MALRD1: variants seen among roughly 807,000 people sequenced by gnomAD.
MALRD1 encodes the protein MAM and LDL receptor class A domain containing 1.
Under a neutral mutation model 242.1 loss-of-function variants are expected in MALRD1, and 247 were observed. That is an observed-to-expected ratio of 1.02 (90% CI 0.92 to 1.13). The LOEUF (loss-of-function observed/expected upper bound fraction) is 1.13. Ranked by LOEUF, MALRD1 falls within the 50% of genes most tolerant of loss-of-function variation. The pLI, the probability that MALRD1 is intolerant of heterozygous loss-of-function variation, is 0.00. For missense variants in MALRD1, 2,989 were observed against 2,533.1 expected (o/e 1.18, Z -3.86); for synonymous variants, 995 against 866.6 (o/e 1.15, Z -2.60).
At chr10:19,152,379 G>C (rs913991830) in intron 11 of MALRD1, among the ~76,000 whole-genome samples, 14 of 152,030 alleles carry the variant, frequency 9.2e-5, no homozygotes, top group Admixed American at 9.2e-4. Context: ...TAAATATTTG[G>C]TTAAAATTAT....
chr10:19,475,502 T>A (rs1564373524), intron 29 of MALRD1, among the ~76,000 whole-genome samples: 1 of 152,198 alleles, frequency 6.6e-6, no homozygotes, highest in Non-Finnish European at 1.5e-5. Flanking sequence ...GGTAAAAATA[T>A]TAATCTTGAG....
At chr10:19,564,569 T>C (rs1165431676) in intron 32 of MALRD1, among the ~76,000 whole-genome samples, 1 of 152,054 alleles carries the variant, frequency 6.6e-6, no homozygotes, top group Non-Finnish European at 1.5e-5. Context: ...TATTACTGGG[T>C]CTGTGTTTGA....
chr10:19,165,341 C>A (rs1834643930), intron 12 of MALRD1, among the ~76,000 whole-genome samples: 1 of 147,922 alleles, frequency 6.8e-6, no homozygotes, highest in South Asian at 2.1e-4. Context: ...ACTCTTGTTG[C>A]CCAGGCTGGA....
At chr10:19,686,845 A>G (rs543548666) in intron 36 of MALRD1, among the ~76,000 whole-genome samples, 2 of 152,214 alleles carry the variant, frequency 1.3e-5, no homozygotes, top group African/African-American at 2.4e-5. Context: ...GTAATAGTTT[A>G]AACTTCCAGA....
intron 20 of MALRD1, among the ~76,000 whole-genome samples, chr10:19,282,697 A>T (rs2131886544): frequency 6.6e-6 from 1 of 152,288 alleles, no homozygotes; most frequent in Middle Eastern, 3.4e-3. Context: ...GAACTTGGAG[A>T]TCATGCAAGC....
intron 10 of MALRD1, among the ~76,000 whole-genome samples, chr10:19,144,165 A>T (rs1833646223): frequency 6.6e-6 from 1 of 152,158 alleles, no homozygotes; most frequent in Non-Finnish European, 1.5e-5. Flanking sequence ...AAATCCATTT[A>T]GAGGGAAAAA....
intron 28 of MALRD1, among the ~76,000 whole-genome samples, chr10:19,411,823 T>C (rs1180834326): frequency 6.6e-6 from 1 of 152,190 alleles, no homozygotes; most frequent in Non-Finnish European, 1.5e-5. Flanking sequence ...ATTTTAATTA[T>C]AGAGCTATAT....
At chr10:19,229,912 A>G (rs1250626531) in intron 18 of MALRD1, among the ~76,000 whole-genome samples, 1 of 151,988 alleles carries the variant, frequency 6.6e-6, no homozygotes, top group African/African-American at 2.4e-5. Flanking sequence ...CCCAAATCTC[A>G]TCTTGCACTA....
intron 38 of MALRD1, among the ~76,000 whole-genome samples, chr10:19,713,047 G>C (rs867954269): frequency 1.3e-5 from 2 of 151,680 alleles, no homozygotes; most frequent in Admixed American, 6.6e-5. Context: ...GAAATGAAGG[G>C]GGGGGTTCCT....
In MALRD1 at chr10:19,412,372, C is replaced by T. The variant is rs139276159; in HGVS notation, c.4845+22763C>T. Among the ~76,000 whole-genome samples the T allele has an allele frequency of 2.8e-3, 423 of 152,204 alleles. 2 individuals are homozygous for T. Among genetic ancestry groups the T allele is most frequent in the African/African-American group, 1.0e-2 (414 of 41,538 alleles). On this transcript the variant is annotated intron_variant, in intron 28 of 39. Transcript: ENST00000454679. ...CTTTTAACCTCCATCAATTAAACTACTTAATCAATTGAAGGGGTACTGGAA... is the reference window on the plus strand; with the variant it reads ...CTTTTAACCTCCATCAATTAAACTATTTAATCAATTGAAGGGGTACTGGAA...
At chr10:19,663,721 C>G (rs1841546477) in intron 36 of MALRD1, among the ~76,000 whole-genome samples, 1 of 152,078 alleles carries the variant, frequency 6.6e-6, no homozygotes, top group Non-Finnish European at 1.5e-5. Flanking sequence ...GCTCTCAAAC[C>G]CTTCATCTGG....
intron 26 of MALRD1, among the ~76,000 whole-genome samples, chr10:19,373,434 G>T (rs534385855): frequency 2.0e-5 from 3 of 151,938 alleles, no homozygotes; most frequent in Admixed American, 2.0e-4. Flanking sequence ...CAGGAGAATC[G>T]CTTGAAACCA....
intron 33 of MALRD1, among the ~76,000 whole-genome samples, chr10:19,578,225 T>C (rs918661774): frequency 6.6e-6 from 1 of 152,184 alleles, no homozygotes; most frequent in East Asian, 1.9e-4. Context: ...TAGCATCTTA[T>C]TGATGTGTAA....
chr10:19,525,199 G>T (rs934471618), intron 31 of MALRD1, among the ~76,000 whole-genome samples: 8 of 151,528 alleles, frequency 5.3e-5, no homozygotes, highest in Non-Finnish European at 1.0e-4. Context: ...ACAGGCGTGA[G>T]CCACCGAGCC....
At chr10:19,200,743 G>A (rs768138047) in intron 14 of MALRD1, among the ~76,000 whole-genome samples, 2 of 145,642 alleles carry the variant, frequency 1.4e-5, no homozygotes, top group Non-Finnish European at 3.0e-5. Context: ...GGACCTGTGA[G>A]CCAACCCAGC....
chr10:19,635,711 T>G (rs989521396), intron 36 of MALRD1, among the ~76,000 whole-genome samples: 2 of 152,150 alleles, frequency 1.3e-5, no homozygotes, highest in Admixed American at 6.6e-5. Context: ...GAATAAAATA[T>G]CTGAGAATAT....
At chr10:19,213,709 C>T (rs1375112733) in intron 18 of MALRD1, among the ~76,000 whole-genome samples, 4 of 152,110 alleles carry the variant, frequency 2.6e-5, no homozygotes, top group Admixed American at 1.3e-4. Context: ...GTTACTGTTG[C>T]GTCTCTGCTA....
intron 36 of MALRD1, among the ~76,000 whole-genome samples, chr10:19,619,219 G>T (rs1839299348): frequency 6.6e-6 from 1 of 152,006 alleles, no homozygotes; most frequent in African/African-American, 2.4e-5. Context: ...TATTTGCCCA[G>T]AGGATGCCTT....
At chr10:19,337,460 A>G (rs1158388600) in intron 24 of MALRD1, among the ~76,000 whole-genome samples, 2 of 152,090 alleles carry the variant, frequency 1.3e-5, no homozygotes, top group African/African-American at 4.8e-5. Context: ...TATGAAGTGT[A>G]ATCTCATGGT....
Sources: gnomAD v4.1 joint callset for allele counts (sites outside exome capture counted in the v4.1 genomes callset) on GRCh38, gnomAD v4.1.1 for gene constraint, MANE v1.5 for transcripts, NCBI Gene and HGNC (gene_info 2026-07-23, HGNC 2026-07-21) for gene names.